Variants in IGSF9B observed in about 807,000 individuals in gnomAD.
IGSF9B encodes the protein immunoglobulin superfamily member 9B, also known as protein turtle homolog B.
In IGSF9B, 48 loss-of-function variants were observed where a neutral mutation model predicts 143.7. That is an observed-to-expected ratio of 0.33 (90% confidence interval 0.26 to 0.42). IGSF9B has a LOEUF of 0.42. IGSF9B is among the 20% of genes least tolerant of loss of function. The probability of loss-of-function intolerance (pLI) is 1.00; values close to 1 mark genes in which losing one functional copy is unlikely to be tolerated. For missense variants in IGSF9B, 1,706 were observed against 1,980.0 expected, an observed-to-expected ratio of 0.86 and a Z score of 2.63; for synonymous variants, 903 against 833.1, an observed-to-expected ratio of 1.08 and a Z score of -1.44.
rs1178228679 is a variant in IGSF9B, at chr11:133,953,351, G to A, written c.64+3340C>T. ...TCAGCCAAGCCCTTCTCACATCCCCGTCTCCCCAGCTTCCCACAGGGCACA... is the reference window on the plus strand; with the variant it reads ...TCAGCCAAGCCCTTCTCACATCCCCATCTCCCCAGCTTCCCACAGGGCACA... On this transcript the variant is annotated intron_variant, in intron 1 of 19. Transcript: ENST00000533871. This position sits in a 1 kb window ranked among gnomAD's most constrained non-coding sequence, Gnocchi z 4.2. 1.3e-5 allele frequency among the ~76,000 whole-genome samples: 2 copies of A among 151,982 alleles called. No individual in the cohort carries two copies. The highest frequency in any genetic ancestry group is 1.9e-4 in the East Asian group (1 of 5,174).
intron 18 of IGSF9B, among the ~76,000 whole-genome samples, chr11:133,912,869 G>A (rs963445408): frequency 1.3e-4 from 20 of 152,162 alleles, no homozygotes; most frequent in Admixed American, 4.6e-4. Flanking sequence ...TCAACTGCCC[G>A]GTTAGGACAG....
chr11:133,951,880 G>A (rs150384190), intron 1 of IGSF9B: 57 of 260,624 alleles, frequency 2.2e-4, no homozygotes, highest in African/African-American at 9.6e-4. Context: ...TTTACTCCCC[G>A]GGCAACATCA....
intron 7 of IGSF9B, 54 bp from the exon 8 acceptor site, chr11:133,932,267 A>G (rs1939746390): frequency 6.6e-6 from 10 of 1,508,862 alleles, no homozygotes; most frequent in African/African-American, 2.9e-5. Context: ...AGGGACAGAC[A>G]GACAGACACA....
Position 133,921,030 on chromosome 11 carries a change from G to A in IGSF9B, c.2695C>T (p.Pro899Ser), listed in dbSNP as rs780921757. 5 of 1,613,548 alleles carry A rather than the reference G, an allele frequency of 3.1e-6. No individual in the cohort carries two copies. Among genetic ancestry groups the A allele is most frequent in the South Asian group, 1.1e-5 (1 of 91,072 alleles). ...GCGGCCACAGATGTGGGCACCAGTG[G>A]GTCCTCGTTCTCCTCGTCCGACTGG... Reference protein sequence around the residue: ...FRQSDEENEDPLVPTSVAALK... With the variant: ...FRQSDEENEDSLVPTSVAALK... The change falls in exon 18 of 20, where the codon CCA becomes TCA. Residue 899 changes from proline (P) to serine (S), a missense_variant. Physicochemically the swap from Pro to Ser is moderately conservative, Grantham distance 74. This residue lies in a region of IGSF9B where 880 missense variants were observed against 762.9 expected (regional missense o/e 1.15). Coordinates refer to ENST00000533871, the MANE Select transcript of IGSF9B (RefSeq NM_001277285.4).
In IGSF9B at chr11:133,945,503, G is replaced by C. The variant is rs535553181; in HGVS notation, c.262+558C>G. 1.2e-4 allele frequency among the ~76,000 whole-genome samples: 19 copies of C among 152,086 alleles called. No individual in the cohort carries two copies. The highest frequency in any genetic ancestry group is 5.9e-5 in the Non-Finnish European group (4 of 68,016). Reference sequence around the variant, plus strand: ...ACACACCCACGCCCTCCTCTCCCGCGGGCTGGGGGGCAGGCAGCGGCAGTG... The same window carrying C: ...ACACACCCACGCCCTCCTCTCCCGCCGGCTGGGGGGCAGGCAGCGGCAGTG... On this transcript the variant is annotated intron_variant, in intron 2 of 19. Transcript: ENST00000533871. This position sits in a 1 kb window ranked among gnomAD's most constrained non-coding sequence, Gnocchi z 4.6.
At chr11:133,927,208 G>A in intron 12 of IGSF9B, 117 bp from the exon 13 acceptor site, 2 of 813,880 alleles carry the variant, frequency 2.5e-6, no homozygotes, top group Non-Finnish European at 2.0e-6. Flanking sequence ...GCGTTCCTAG[G>A]TTCAAGGGCA....
chr11:133,939,176 G>A (rs7929983), intron 3 of IGSF9B, among the ~76,000 whole-genome samples: 13,932 of 152,240 alleles, frequency 0.092, 2,184 homozygotes, highest in African/African-American at 0.32. Context: ...TCTGACCTCA[G>A]GCCCTTTGCA....
chr11:133,934,836 G>A (rs896656744), intron 7 of IGSF9B, among the ~76,000 whole-genome samples: 5 of 152,300 alleles, frequency 3.3e-5, no homozygotes, highest in East Asian at 1.9e-4. Flanking sequence ...TGAGCAATCC[G>A]CCCACACCAG....
Position 133,938,760 on chromosome 11 carries a change from G to A in IGSF9B, c.410-799C>T, listed in dbSNP as rs183551780. Among the ~76,000 whole-genome samples, 19 of 152,218 alleles carry A rather than the reference G, an allele frequency of 1.2e-4. No homozygotes were observed. In the East Asian group the frequency reaches 2.7e-3, roughly 22 times the overall value. ...CGGAGGCCCACGGCACTAGGCTGGC[G>A]CAGGTCAAGCTGAGCTCATCTCAAG... is the stretch of plus-strand genomic sequence containing the variant. On this transcript the variant is annotated intron_variant, in intron 3 of 19. Transcript: ENST00000533871.
chr11:133,950,289 A>G (rs893399001), intron 1 of IGSF9B, among the ~76,000 whole-genome samples: 1 of 152,180 alleles, frequency 6.6e-6, no homozygotes, highest in African/African-American at 2.4e-5. Context: ...AGGTGTGAGG[A>G]GCAGGGCCGG....
rs777467319 is a variant in IGSF9B, at chr11:133,922,203, G to A, written c.2301C>T (p.Thr767=). 2.7e-5 allele frequency: 44 copies of A among 1,612,978 alleles called. No homozygotes were observed. In the East Asian group the frequency reaches 9.8e-4, roughly 36 times the overall value. The part of the protein sequence containing the change: ...KRKKDPPLSI[T]HCRKSLESPL... Reference sequence around the variant, plus strand: ...GAGACTCCAGGCTCTTCCTGCAGTGGGTGATGGAGAGTGGAGGGTCTGGAA... The same window carrying A: ...GAGACTCCAGGCTCTTCCTGCAGTGAGTGATGGAGAGTGGAGGGTCTGGAA... Residue 767 remains threonine (T), a synonymous_variant, in exon 17 of 20, where the codon ACC becomes ACT. Transcript: ENST00000533871.
In IGSF9B at chr11:133,948,547, A is replaced by G. The variant is rs1213671007; in HGVS notation, c.65-2289T>C. On this transcript the variant is annotated intron_variant, in intron 1 of 19. Coordinates refer to ENST00000533871, the MANE Select transcript of IGSF9B (RefSeq NM_001277285.4). This position sits in a 1 kb window ranked among gnomAD's most constrained non-coding sequence, Gnocchi z 4.7. ...CAGGAGAGGCTGCCTCCCAGCAGCC[A>G]GGATCACAAAGGCGGATGCTGGACC... Among the ~76,000 whole-genome samples, 3 of 151,958 alleles carry G rather than the reference A, an allele frequency of 2.0e-5. No individual in the cohort carries two copies. The highest frequency in any genetic ancestry group is 4.4e-5 in the Non-Finnish European group (3 of 67,990).
At chr11:133,947,178 CAG>C (rs1940069787) in intron 1 of IGSF9B, among the ~76,000 whole-genome samples, 1 of 152,170 alleles carries the variant, frequency 6.6e-6, no homozygotes, top group African/African-American at 2.4e-5. Context: ...GAGGACGCCG[CAG>C]AGAGGAAGAG....
In IGSF9B at chr11:133,907,321, A is replaced by C. The variant is rs1014415306; in HGVS notation, c.*1748T>G. 6.6e-6 allele frequency among the ~76,000 whole-genome samples: 1 copy of C among 152,214 alleles called. No homozygotes were observed. Among genetic ancestry groups the C allele is most frequent in the Admixed American group, 6.5e-5 (1 of 15,288 alleles). On this transcript the variant is annotated 3_prime_UTR_variant, in exon 20 of 20. Transcript: ENST00000533871. ...GCCAAGAAGAGACAGCAGCCATCCAAGGCCTCATCCTGCGAGGTCACTGGG... is the reference window on the plus strand; with the variant it reads ...GCCAAGAAGAGACAGCAGCCATCCACGGCCTCATCCTGCGAGGTCACTGGG...
chr11:133,920,570 G>A lies in IGSF9B; in HGVS notation c.3155C>T (p.Thr1052Ile). 4 of 1,613,310 alleles carry A rather than the reference G, an allele frequency of 2.5e-6. No homozygotes were observed. The highest frequency in any genetic ancestry group is 3.4e-6 in the Non-Finnish European group (4 of 1,179,672). ...CTGGTGGGGGAACATCATCGCTGGG[G>A]TCTCCAGCCCCCCGAAGGGGAATTC... ...RPEFPFGGLE[T>I]PAMMFPHQLP... Residue 1052 changes from threonine to isoleucine, a missense_variant, in exon 18 of 20, where the codon ACC becomes ATC. Thr to Ile is a moderately conservative substitution (Grantham distance 89). Coordinates refer to ENST00000533871, the MANE Select transcript of IGSF9B (RefSeq NM_001277285.4).
At chr11:133,926,870 C>A in intron 13 of IGSF9B, 46 bp downstream of exon 13, 1 of 1,504,090 alleles carries the variant, frequency 6.6e-7, no homozygotes, top group East Asian at 2.5e-5. Flanking sequence ...ACCGCCCCCA[C>A]CACCTCTACA....
At position 133,912,027 on chromosome 11, in the gene IGSF9B, A is replaced by G; in HGVS notation, c.3984-20T>C. The G allele has an allele frequency of 6.6e-7, 1 of 1,507,458 alleles. No homozygotes were observed. The highest frequency in any genetic ancestry group is 8.8e-7 in the Non-Finnish European group (1 of 1,137,356). The allele number at this position is 1,507,458 out of a possible 1,614,324, so 93.4% of individuals were successfully genotyped here. Reference sequence around the variant, plus strand: ...AGTGTTCTGGAAAGGACAACCAGAGAGCCACAATTCAGCTCCCGGATGTGT... The same window carrying G: ...AGTGTTCTGGAAAGGACAACCAGAGGGCCACAATTCAGCTCCCGGATGTGT... On this transcript the variant is annotated intron_variant, in intron 18 of 19. Transcript: ENST00000533871.
intron 1 of IGSF9B, 76 bp downstream of exon 1, chr11:133,956,615 G>A (rs1940260874): frequency 9.8e-7 from 1 of 1,023,850 alleles, no homozygotes; most frequent in Non-Finnish European, 1.4e-6. Context: ...CCAAGGAGCC[G>A]GGAAACCGAG....
In IGSF9B at chr11:133,920,780, G is replaced by A. The variant is rs375067578; in HGVS notation, c.2945C>T (p.Pro982Leu). 38 of 1,610,332 alleles carry A rather than the reference G, an allele frequency of 2.4e-5. No individual in the cohort carries two copies. The highest frequency in any genetic ancestry group is 6.7e-5 in the East Asian group (3 of 44,842). ...SSSPGEVEPPPFYVPEVGSPL... is the reference protein window; with the variant it reads ...SSSPGEVEPPLFYVPEVGSPL... The stretch of plus-strand genomic sequence containing the variant: ...GCTGCCCACTTCTGGCACGTAGAAC[G>A]GGGGCGGCTCCACCTCCCCAGGGCT... Residue 982 changes from proline to leucine, a missense_variant, in exon 18 of 20, where the codon CCG becomes CTG. Physicochemically the swap from Pro to Leu is moderately conservative, Grantham distance 98 (BLOSUM62 -3). This residue lies in a region of IGSF9B where 880 missense variants were observed against 762.9 expected (regional missense o/e 1.15). Transcript: ENST00000533871.
Sources: allele counts gnomAD v4.1 joint callset (sites outside exome capture counted in the v4.1 genomes callset), GRCh38; gene constraint gnomAD v4.1.1; regional missense constraint gnomAD v4.1.1; non-coding constraint Gnocchi (gnomAD v3.1); transcripts MANE v1.5; gene names NCBI Gene and HGNC (gene_info 2026-07-23, HGNC 2026-07-21).